Variants in IL1RL1 observed in about 807,000 individuals in gnomAD.
IL1RL1 encodes the protein interleukin 1 receptor like 1, also known as interleukin-1 receptor-like 1.
In IL1RL1, 32 loss-of-function variants were observed where a neutral mutation model predicts 50.9. That is an observed-to-expected ratio of 0.63 (90% confidence interval 0.47 to 0.84). The LOEUF (loss-of-function observed/expected upper bound fraction) is 0.84. Among genes scored for constraint, IL1RL1 ranks in the 40% least tolerant of loss-of-function variants. IL1RL1 has a pLI of 0.00. For missense variants in IL1RL1, 773 were observed against 662.9 expected, an observed-to-expected ratio of 1.17 and a Z score of -1.82; for synonymous variants, 275 against 236.0, an observed-to-expected ratio of 1.17 and a Z score of -1.51.
intron 1 of IL1RL1, among the ~76,000 whole-genome samples, chr2:102,336,328 G>A (rs534336265): frequency 1.6e-4 from 24 of 152,230 alleles, no homozygotes; most frequent in Non-Finnish European, 2.9e-4. Flanking sequence ...TAATAATAGC[G>A]CCTGCCACAT....
intron 1 of IL1RL1, among the ~76,000 whole-genome samples, chr2:102,316,219 G>C (rs1354592763): frequency 6.6e-6 from 1 of 152,170 alleles, no homozygotes; most frequent in African/African-American, 2.4e-5. Flanking sequence ...GGAAGAAAAT[G>C]GAAATAAGAT....
chr2:102,327,094 A>T (rs1677031550), intron 1 of IL1RL1, among the ~76,000 whole-genome samples: 1 of 152,218 alleles, frequency 6.6e-6, no homozygotes, highest in Non-Finnish European at 1.5e-5. Flanking sequence ...AATTGACCAC[A>T]TAGTTGGAAA....
chr2:102,344,340 A>T, intron 8 of IL1RL1: 5 of 917,040 alleles, frequency 5.5e-6, no homozygotes, highest in Non-Finnish European at 6.5e-6. Flanking sequence ...GACCCAAACC[A>T]TACCACACAC....
rs114697493 is a variant in IL1RL1 at position 102,321,296 on chromosome 2, A to G, written c.-150+9673A>G. 9.6e-3 allele frequency among the ~76,000 whole-genome samples: 1,464 copies of G among 152,208 alleles called. 27 individuals are homozygous for G. The highest frequency in any genetic ancestry group is 0.034 in the African/African-American group (1,432 of 41,530). ...TGTCCTCCTGTAGGACATGAATTCCACAAGGGCAGGAGATTTTTGTTTCCC... is the reference window on the plus strand; with the variant it reads ...TGTCCTCCTGTAGGACATGAATTCCGCAAGGGCAGGAGATTTTTGTTTCCC... On this transcript the variant is annotated intron_variant, in intron 1 of 10. Coordinates refer to ENST00000233954, the MANE Select transcript of IL1RL1 (RefSeq NM_016232.5).
intron 3 of IL1RL1, among the ~76,000 whole-genome samples, chr2:102,339,816 T>C (rs1238792533): frequency 6.6e-6 from 1 of 152,236 alleles, no homozygotes; most frequent in Non-Finnish European, 1.5e-5. Context: ...ATAGTAATTA[T>C]CTTTATTACA....
chr2:102,312,546 C>T (rs572025576), intron 1 of IL1RL1, among the ~76,000 whole-genome samples: 8 of 152,080 alleles, frequency 5.3e-5, no homozygotes, highest in African/African-American at 1.9e-4. Context: ...GTGTAATCTA[C>T]TCAGATGGAG....
At position 102,311,626 on chromosome 2, in the gene IL1RL1, A is replaced by ACTTTAATAATATATTAAATAT. The variant is rs1676473308; in HGVS notation, c.-150+3_-150+4insCTTTAATAATATATTAAATAT. ...AACTCAAGTACAACCCAATGAGGGT[A>ACTTTAATAATATATTAAATAT]AGTGGCTTTGGGGTATTTTTCAAAA... On this transcript the variant is annotated splice_donor_region_variant and intron_variant, in intron 1 of 10. Transcript: ENST00000233954. The ACTTTAATAATATATTAAATAT allele has an allele frequency of 6.7e-6, 1 of 150,286 alleles. No individual in the cohort carries two copies. The highest frequency in any genetic ancestry group is 1.5e-5 in the Non-Finnish European group (1 of 67,872). The allele number at this position is 150,286 out of a possible 1,614,324, so 9.3% of individuals were successfully genotyped here. A position where few individuals can be genotyped will look rare whatever the true frequency, so the allele number is the denominator to read the frequency against.
chr2:102,351,366 A>G (rs1001064299), intron 10 of IL1RL1, among the ~76,000 whole-genome samples, 170 bp from the exon 11 acceptor site: 5 of 152,166 alleles, frequency 3.3e-5, no homozygotes, highest in Admixed American at 1.3e-4. Context: ...AAGGAACACA[A>G]AGAACAAAAC....
chr2:102,349,804 C>T (rs1393536944), intron 10 of IL1RL1, among the ~76,000 whole-genome samples: 1 of 152,178 alleles, frequency 6.6e-6, no homozygotes, highest in Admixed American at 6.5e-5. Context: ...CCTGTGTTTG[C>T]AGTAGTTATT....
Position 102,342,400 on chromosome 2 carries a change from C to A in IL1RL1, c.682+106C>A, listed in dbSNP as rs561755899. On this transcript the variant is annotated intron_variant, in intron 6 of 10. Coordinates refer to ENST00000233954, the MANE Select transcript of IL1RL1 (RefSeq NM_016232.5). ...GGGGTCAGGCAATTAGCATAAGGAA[C>A]CTTGAGGAGTAAGTGAGGTGACATC... 98 of 743,730 alleles carry A rather than the reference C, an allele frequency of 1.3e-4. No homozygotes were observed. The African/African-American group carries it at 1.5e-3, about 11-fold the overall frequency. 46.1% of individuals were successfully genotyped at this position (743,730 alleles called of 1,614,324 possible). A position where few individuals can be genotyped will look rare whatever the true frequency, so the allele number is the denominator to read the frequency against.
chr2:102,316,106 A>T (rs1304302562), intron 1 of IL1RL1, among the ~76,000 whole-genome samples: 1 of 152,178 alleles, frequency 6.6e-6, no homozygotes, highest in East Asian at 1.9e-4. Context: ...TTCCACCCTT[A>T]TGACGAAAGC....
intron 1 of IL1RL1, among the ~76,000 whole-genome samples, chr2:102,324,013 C>CT (rs33934744): frequency 0.026 from 3,538 of 138,230 alleles, 78 homozygotes; most frequent in Non-Finnish European, 0.035. Flanking sequence ...ATCAGTAGTT[C>CT]TTTTTTTTTT....
Position 102,351,749 on chromosome 2 carries a change from TC to T in IL1RL1, c.1501del (p.Gln501SerfsTer4). 3 of 1,614,026 alleles carry T rather than the reference TC, an allele frequency of 1.9e-6. No individual in the cohort carries two copies. Among genetic ancestry groups the T allele is most frequent in the Non-Finnish European group, 2.5e-6 (3 of 1,179,972 alleles). ...MLQAEALQDS[L>X]QHLMKVQGTI... ...CAGGCTGAGGCGCTTCAGGACTCCC[TC>T]CAGCATCTTATGAAAGTACAGGGGA... is the stretch of plus-strand genomic sequence containing the variant. On this transcript the variant is annotated frameshift_variant, in exon 11 of 11. Coordinates refer to ENST00000233954, the MANE Select transcript of IL1RL1 (RefSeq NM_016232.5). LOFTEE classifies it low-confidence loss of function (END_TRUNC).
At chr2:102,330,909 A>C in intron 1 of IL1RL1, among the ~76,000 whole-genome samples, 3 of 152,346 alleles carry the variant, frequency 2.0e-5, no homozygotes, top group Middle Eastern at 6.8e-3. Context: ...TATGTAATAC[A>C]ATCCATTTTT....
chr2:102,350,326 C>A (rs1276053148), intron 10 of IL1RL1, among the ~76,000 whole-genome samples: 11 of 152,366 alleles, frequency 7.2e-5, no homozygotes, highest in African/African-American at 2.6e-4. Context: ...TTCAGTCTAT[C>A]CACCTAAGTT....
chr2:102,333,403 G>A (rs1226642272), intron 1 of IL1RL1, among the ~76,000 whole-genome samples: 1 of 152,128 alleles, frequency 6.6e-6, no homozygotes, highest in African/African-American at 2.4e-5. Context: ...AATAATAAAT[G>A]GAGTCTTGGT....
chr2:102,345,898 C>T, intron 8 of IL1RL1: 9 of 985,278 alleles, frequency 9.1e-6, no homozygotes, highest in South Asian at 4.7e-5. Flanking sequence ...ACTCACACTG[C>T]CCTTGTGTAC....
intron 8 of IL1RL1, 152 bp from the exon 9 acceptor site, chr2:102,347,793 G>T (rs764625716): frequency 3.3e-5 from 19 of 569,980 alleles, no homozygotes; most frequent in African/African-American, 3.0e-4. Flanking sequence ...CAATAAATGT[G>T]ACTGTCCTGG....
At chr2:102,340,948 C>A in intron 5 of IL1RL1, 120 bp downstream of exon 5, 1 of 775,992 alleles carries the variant, frequency 1.3e-6, no homozygotes, top group Non-Finnish European at 2.0e-6. Context: ...CCTCCTGCTC[C>A]ATCTTATCTT....
Sources: allele counts gnomAD v4.1 joint callset (sites outside exome capture counted in the v4.1 genomes callset), GRCh38; gene constraint gnomAD v4.1.1; transcripts MANE v1.5; gene names NCBI Gene and HGNC (gene_info 2026-07-23, HGNC 2026-07-21).